The following DMD variants were observed in gnomAD, a reference collection of about 807,000 sequenced individuals.
DMD encodes dystrophin, also known as mutant dystrophin.
A neutral mutation model predicts 330.1 loss-of-function variants in DMD; 63 were observed. The ratio of observed to expected loss-of-function variants is 0.19; its 90% CI spans 0.16 to 0.24. The LOEUF (loss-of-function observed/expected upper bound fraction) is 0.24. Among genes scored for constraint, DMD ranks in the 10% least tolerant of loss-of-function variants. The probability of loss-of-function intolerance (pLI) is 1.00; values close to 1 mark genes in which losing one functional copy is unlikely to be tolerated. For missense variants in DMD, 3,344 were observed against 2,684.1 expected, an observed-to-expected ratio of 1.25 and a Z score of -5.43; for synonymous variants, 1,223 against 959.8, an observed-to-expected ratio of 1.27 and a Z score of -5.07.
intron 60 of DMD, among the ~76,000 whole-genome samples, chrX:31,444,135 T>A (rs1300046211): frequency 9.0e-6 from 1 of 110,829 alleles, no homozygotes; most frequent in African/African-American, 3.3e-5. Context: ...CCTTCTGCCA[T>A]GAGTGGAAGC....
chrX:31,761,217 A>AT (rs1347308278), intron 51 of DMD, among the ~76,000 whole-genome samples: 4 of 110,637 alleles, frequency 3.6e-5, no homozygotes, highest in Non-Finnish European at 7.6e-5. Flanking sequence ...ATTATTTTCC[A>AT]TTTTAACGGC....
intron 9 of DMD, among the ~76,000 whole-genome samples, chrX:32,669,688 C>A (rs2061516626): frequency 8.9e-6 from 1 of 111,749 alleles, no homozygotes; most frequent in Admixed American, 9.5e-5. Flanking sequence ...AACCTTGACA[C>A]TTTCAACTCA....
intron 52 of DMD, among the ~76,000 whole-genome samples, chrX:31,680,262 T>G (rs750205210): frequency 8.9e-5 from 10 of 112,099 alleles, no homozygotes; most frequent in Middle Eastern, 4.6e-3. Flanking sequence ...TTTTCCACTC[T>G]TCTACTGATT....
In DMD at chrX:31,237,005, A is replaced by T. The variant is rs778519101; in HGVS notation, c.9287-13884T>A. Among the ~76,000 whole-genome samples the T allele has an allele frequency of 4.5e-4, 50 of 111,529 alleles. No homozygotes were observed. The South Asian group carries it at 0.019, about 43-fold the overall frequency. ...TTTCTCTGGTGCCCAACATCAACAC[A>T]CCCCCAATATCCATGCCCTCTAATA... On this transcript the variant is annotated intron_variant, in intron 63 of 78. Coordinates refer to ENST00000357033, the MANE Select transcript of DMD (RefSeq NM_004006.3).
intron 4 of DMD, among the ~76,000 whole-genome samples, chrX:32,844,553 A>G (rs1284381472): frequency 8.9e-6 from 1 of 112,306 alleles, no homozygotes; most frequent in Non-Finnish European, 1.9e-5. Context: ...GCAGCCTATC[A>G]GGTCAGGTCT....
chrX:33,216,014 G>C (rs951449119), upstream of DMD, among the ~76,000 whole-genome samples: 3 of 111,308 alleles, frequency 2.7e-5, no homozygotes, highest in African/African-American at 9.8e-5. Context: ...GGCTCTTTTG[G>C]TTCCATACAA....
intron 44 of DMD, among the ~76,000 whole-genome samples, chrX:32,203,752 T>G (rs1329543023): frequency 1.8e-5 from 2 of 111,683 alleles, no homozygotes; most frequent in African/African-American, 6.5e-5. Context: ...CCGCCAAATC[T>G]ATATATCAAA....
chrX:33,172,329 G>C (rs1252712173), intron 1 of DMD, among the ~76,000 whole-genome samples: 1 of 111,504 alleles, frequency 9.0e-6, no homozygotes, highest in East Asian at 2.8e-4. Context: ...ACCATAATAA[G>C]TTTTTATTTA....
intron 1 of DMD, among the ~76,000 whole-genome samples, chrX:33,161,292 G>A (rs1187371422): frequency 8.9e-6 from 1 of 111,773 alleles, no homozygotes; most frequent in Admixed American, 9.6e-5. Flanking sequence ...CCAACAAGGT[G>A]TAGGTGCTGT....
chrX:32,088,734 A>T (rs1288155108), intron 44 of DMD, among the ~76,000 whole-genome samples: 2 of 108,691 alleles, frequency 1.8e-5, no homozygotes, highest in African/African-American at 6.7e-5. Context: ...CATAATTAAT[A>T]ATCTACTATG....
chrX:31,230,633 A>G (rs1049661255), intron 63 of DMD, among the ~76,000 whole-genome samples: 1 of 107,105 alleles, frequency 9.3e-6, no homozygotes, highest in Admixed American at 9.9e-5. Context: ...TGGGCGACAG[A>G]ATGAGACTCC....
chrX:31,676,650 T>C (rs1213115522), intron 53 of DMD, among the ~76,000 whole-genome samples: 1 of 112,034 alleles, frequency 8.9e-6, no homozygotes, highest in East Asian at 2.8e-4. Context: ...ACAAGAGTAA[T>C]TGCTATGCAT....
chrX:31,944,364 T>C (rs1459374738), intron 45 of DMD, among the ~76,000 whole-genome samples: 5 of 112,403 alleles, frequency 4.4e-5, no homozygotes, highest in African/African-American at 1.6e-4. Flanking sequence ...AAGATCACTC[T>C]TCTCACTATA....
At chrX:32,819,584 G>C (rs976460250) in intron 5 of DMD, among the ~76,000 whole-genome samples, 7 of 111,870 alleles carry the variant, frequency 6.3e-5, no homozygotes, top group Non-Finnish European at 7.5e-5. Flanking sequence ...AATTTTATTT[G>C]AGATGGACAG....
chrX:31,584,857 T>C (rs911253561), intron 55 of DMD, among the ~76,000 whole-genome samples: 4 of 111,030 alleles, frequency 3.6e-5, no homozygotes, highest in Admixed American at 9.6e-5. Context: ...TTAAAAAGTA[T>C]AGAAGGAGGA....
At chrX:32,335,395 T>C (rs996952102) in intron 41 of DMD, among the ~76,000 whole-genome samples, 1 of 105,023 alleles carries the variant, frequency 9.5e-6, no homozygotes, top group East Asian at 2.9e-4. Context: ...ATATAATACA[T>C]ATATATAACA....
chrX:31,649,992 G>A (rs1603439506), intron 54 of DMD, among the ~76,000 whole-genome samples: 2 of 110,192 alleles, frequency 1.8e-5, no homozygotes, highest in Admixed American at 9.7e-5. Context: ...GTCTCACTAC[G>A]TCACCCAGGC....
intron 7 of DMD, among the ~76,000 whole-genome samples, chrX:32,769,310 AG>A (rs2073347969): frequency 9.0e-6 from 1 of 111,517 alleles, no homozygotes; most frequent in South Asian, 3.8e-4. Context: ...TTGTGCAAGG[AG>A]TCTCCCCCTT....
At chrX:31,281,978 A>C (rs2052647581) in intron 62 of DMD, among the ~76,000 whole-genome samples, 1 of 93,737 alleles carries the variant, frequency 1.1e-5, no homozygotes, top group Non-Finnish European at 2.0e-5. Context: ...ATGGTTCTTT[A>C]TTTCTGATTT....
Sources: gnomAD v4.1 joint callset for allele counts (sites outside exome capture counted in the v4.1 genomes callset) on GRCh38, gnomAD v4.1.1 for gene constraint, MANE v1.5 for transcripts, NCBI Gene and HGNC (gene_info 2026-07-23, HGNC 2026-07-21) for gene names.